The following TFDP2 variants were observed in gnomAD, a reference collection of about 807,000 sequenced individuals.
TFDP2 encodes the protein transcription factor Dp-2 (E2F dimerization partner 2).
TFDP2 carries 17 observed loss-of-function variants against 59.3 expected under a neutral mutation model. The ratio of observed to expected loss-of-function variants is 0.29; its 90% CI spans 0.20 to 0.43. The LOEUF is 0.43. TFDP2 is among the 20% of genes least tolerant of loss of function. The pLI, the probability that TFDP2 is intolerant of heterozygous loss-of-function variation, is 1.00. For missense variants in TFDP2, 391 were observed against 528.8 expected, an observed-to-expected ratio of 0.74 and a Z score of 2.56; for synonymous variants, 180 against 194.7, an observed-to-expected ratio of 0.92 and a Z score of 0.63.
At chr3:142,043,360 C>CTTAT (rs1412477923) in intron 3 of TFDP2, among the ~76,000 whole-genome samples, 1 of 151,116 alleles carries the variant, frequency 6.6e-6, no homozygotes, top group Non-Finnish European at 1.5e-5. Context: ...TATTTTTACT[C>CTTAT]TTATTTATTT....
At chr3:142,070,912 G>A (rs530113576) in intron 3 of TFDP2, among the ~76,000 whole-genome samples, 1 of 152,216 alleles carries the variant, frequency 6.6e-6, no homozygotes, top group Non-Finnish European at 1.5e-5. Context: ...CAGGCCAGTG[G>A]AAATAAGACC....
chr3:142,141,096 CG>C (rs900125212), intron 1 of TFDP2, among the ~76,000 whole-genome samples: 2 of 152,190 alleles, frequency 1.3e-5, no homozygotes, highest in African/African-American at 4.8e-5. Context: ...TCCCCCAACC[CG>C]GCTGCAGCCT....
chr3:142,046,772 T>A (rs922559665), intron 3 of TFDP2, among the ~76,000 whole-genome samples: 7 of 152,184 alleles, frequency 4.6e-5, no homozygotes, highest in African/African-American at 1.7e-4. Context: ...CATTTTAATC[T>A]GTATTGCCAA....
intron 6 of TFDP2, among the ~76,000 whole-genome samples, chr3:141,986,316 G>A (rs940990767): frequency 6.6e-6 from 1 of 152,122 alleles, no homozygotes; most frequent in African/African-American, 2.4e-5. Flanking sequence ...AGAAAAGTAC[G>A]CAAACCAACT....
At chr3:142,017,548 C>CTTTTTTTT (rs10535313) in intron 3 of TFDP2, among the ~76,000 whole-genome samples, 2 of 87,240 alleles carry the variant, frequency 2.3e-5, no homozygotes, top group Non-Finnish European at 4.4e-5. Context: ...CAAAAATATT[C>CTTTTTTTT]TTTTTTTTTT....
At chr3:142,069,133 C>T (rs542570944) in intron 3 of TFDP2, among the ~76,000 whole-genome samples, 1 of 152,012 alleles carries the variant, frequency 6.6e-6, no homozygotes, top group South Asian at 2.1e-4. Flanking sequence ...CCAGGCTGGT[C>T]TCGAACTCCT....
At chr3:142,086,092 T>C (rs2060803399) in intron 3 of TFDP2, among the ~76,000 whole-genome samples, 1 of 152,160 alleles carries the variant, frequency 6.6e-6, no homozygotes, top group African/African-American at 2.4e-5. Context: ...ACTTACTGCC[T>C]CTCTCTCTTC....
chr3:141,969,180 CATATATATGAGATATATATATATAACAT>C (rs2107980095), intron 9 of TFDP2, among the ~76,000 whole-genome samples: 1 of 90,568 alleles, frequency 1.1e-5, no homozygotes, highest in Admixed American at 1.4e-4. Flanking sequence ...ATATATATCT[CATATATATGAGATATATATATATAACAT>C]ATATATATAT....
intron 1 of TFDP2, among the ~76,000 whole-genome samples, chr3:142,148,668 CT>C (rs2063265247): frequency 6.6e-6 from 1 of 152,192 alleles, no homozygotes; most frequent in Non-Finnish European, 1.5e-5. Flanking sequence ...GAAGACAGAC[CT>C]TGGCTTTCCA....
At chr3:142,111,462 A>G (rs1202146776) in intron 1 of TFDP2, among the ~76,000 whole-genome samples, 2 of 151,384 alleles carry the variant, frequency 1.3e-5, no homozygotes, top group African/African-American at 4.9e-5. Context: ...TCATATAAAC[A>G]TGTAAAATAG....
intron 2 of TFDP2, among the ~76,000 whole-genome samples, chr3:142,094,551 C>T (rs1576967340): frequency 1.3e-5 from 2 of 151,918 alleles, no homozygotes; most frequent in South Asian, 4.1e-4. Context: ...GTGATCTGCC[C>T]ACCGTAGCTT....
Position 142,050,103 on chromosome 3 carries a change from C to T in TFDP2, c.82+42958G>A, listed in dbSNP as rs1023195001. Among the ~76,000 whole-genome samples, 10 of 151,644 alleles carry T rather than the reference C, an allele frequency of 6.6e-5. No individual in the cohort carries two copies. In the South Asian group the frequency reaches 8.3e-4, roughly 13 times the overall value. ...CCAACATGGTAAAACCCCATCTCTA[C>T]TAAAAATACAAAAATTAGCTGGGCG... On this transcript the variant is annotated intron_variant, in intron 3 of 12. Transcript: ENST00000489671.
intron 3 of TFDP2, among the ~76,000 whole-genome samples, chr3:142,014,280 C>T (rs761311829): frequency 5.3e-5 from 8 of 152,134 alleles, no homozygotes; most frequent in Non-Finnish European, 1.2e-4. Flanking sequence ...TAAGCTGGAA[C>T]AATTGGTGTG....
intron 1 of TFDP2, among the ~76,000 whole-genome samples, chr3:142,112,982 A>G (rs924879572): frequency 6.6e-6 from 1 of 152,250 alleles, no homozygotes; most frequent in Admixed American, 6.5e-5. Context: ...CAAAGAAGCA[A>G]TATTAGATGA....
At chr3:142,007,409 C>T (rs1415460391) in intron 3 of TFDP2, among the ~76,000 whole-genome samples, 1 of 152,150 alleles carries the variant, frequency 6.6e-6, no homozygotes, top group Non-Finnish European at 1.5e-5. Context: ...CCATCTCCTC[C>T]TCATTCAACT....
intron 3 of TFDP2, among the ~76,000 whole-genome samples, chr3:142,038,931 A>C (rs1335953395): frequency 6.6e-6 from 1 of 152,204 alleles, no homozygotes. Flanking sequence ...ATCTTCCCAC[A>C]GATCTTCCTT....
intron 6 of TFDP2, among the ~76,000 whole-genome samples, chr3:141,991,486 T>A (rs538860471): frequency 6.6e-6 from 1 of 152,140 alleles, no homozygotes; most frequent in Non-Finnish European, 1.5e-5. Context: ...AGGCCAGGTG[T>A]GGTGGCTCAT....
chr3:141,955,863 A>T (rs917315720), intron 11 of TFDP2, among the ~76,000 whole-genome samples: 2 of 152,304 alleles, frequency 1.3e-5, no homozygotes, highest in African/African-American at 4.8e-5. Flanking sequence ...GCTGGAGTGC[A>T]GTGGTGCAAT....
At chr3:142,031,927 C>T (rs1946448949) in intron 3 of TFDP2, among the ~76,000 whole-genome samples, 1 of 97,534 alleles carries the variant, frequency 1.0e-5, no homozygotes. Context: ...CTTACATTTT[C>T]AAGTAAAATA....
Sources: gnomAD v4.1 joint callset for allele counts (sites outside exome capture counted in the v4.1 genomes callset) on GRCh38, gnomAD v4.1.1 for gene constraint, MANE v1.5 for transcripts, NCBI Gene and HGNC (gene_info 2026-07-23, HGNC 2026-07-21) for gene names.